Variants in NAV3 observed in about 807,000 individuals in gnomAD.
NAV3 encodes the protein pore membrane and/or filament interacting like protein 1.
A neutral mutation model predicts 244.7 loss-of-function variants in NAV3; 87 were observed. The ratio of observed to expected loss-of-function variants is 0.36; its 90% CI spans 0.30 to 0.42. The LOEUF is 0.42. Among genes scored for constraint, NAV3 ranks in the 20% least tolerant of loss-of-function variants. The pLI, the probability that NAV3 is intolerant of heterozygous loss-of-function variation, is 1.00. For missense variants in NAV3, 2,663 were observed against 2,893.3 expected, an observed-to-expected ratio of 0.92 and a Z score of 1.83; for synonymous variants, 1,126 against 1,042.2, an observed-to-expected ratio of 1.08 and a Z score of -1.55.
intron 23 of NAV3, among the ~76,000 whole-genome samples, chr12:78,166,505 A>C (rs746472606): frequency 6.6e-6 from 1 of 151,738 alleles, no homozygotes; most frequent in Non-Finnish European, 1.5e-5. Flanking sequence ...AATTTGGTTG[A>C]ACTAATTTTT....
intron 9 of NAV3, among the ~76,000 whole-genome samples, chr12:78,035,700 C>T (rs769323724): frequency 8.5e-5 from 13 of 152,086 alleles, no homozygotes; most frequent in Non-Finnish European, 1.3e-4. Context: ...AGGGAAAACC[C>T]TTTTGAGTTA....
intron 5 of NAV3, among the ~76,000 whole-genome samples, chr12:77,978,123 T>C (rs1868851480): frequency 1.3e-5 from 2 of 152,220 alleles, no homozygotes; most frequent in Admixed American, 6.5e-5. Context: ...GTCATAATTG[T>C]CTTTTATCTT....
intron 2 of NAV3, among the ~76,000 whole-genome samples, chr12:77,697,393 T>C (rs1372862726): frequency 6.6e-6 from 1 of 152,188 alleles, no homozygotes. Flanking sequence ...AGTAAGACAG[T>C]CCTAGATGTA....
intron 30 of NAV3, among the ~76,000 whole-genome samples, chr12:78,183,399 T>C (rs748503084): frequency 1.3e-5 from 2 of 151,932 alleles, no homozygotes; most frequent in Non-Finnish European, 2.9e-5. Context: ...AAAAGTATTA[T>C]CTTTTATGTT....
intron 2 of NAV3, among the ~76,000 whole-genome samples, chr12:77,731,346 A>G (rs1009875291): frequency 6.6e-6 from 1 of 152,034 alleles, no homozygotes; most frequent in African/African-American, 2.4e-5. Context: ...TAGAAGAATT[A>G]ATGACAAGAA....
chr12:77,982,999 A>G (rs1593191427), intron 5 of NAV3, among the ~76,000 whole-genome samples: 1 of 152,178 alleles, frequency 6.6e-6, no homozygotes, highest in Admixed American at 6.5e-5. Context: ...TCACTTCTCA[A>G]TGGAAGGATG....
intron 3 of NAV3, among the ~76,000 whole-genome samples, chr12:77,964,797 A>G (rs1394785724): frequency 6.7e-6 from 1 of 149,378 alleles, no homozygotes; most frequent in East Asian, 1.9e-4. Flanking sequence ...GTTAATTAAT[A>G]TAAATTTTTT....
intron 2 of NAV3, among the ~76,000 whole-genome samples, chr12:77,798,792 G>A (rs931689530): frequency 2.0e-5 from 3 of 152,138 alleles, no homozygotes; most frequent in Admixed American, 2.0e-4. Flanking sequence ...CTCTGTTGAT[G>A]TGACATAAAT....
intron 15 of NAV3, among the ~76,000 whole-genome samples, chr12:78,121,385 C>T (rs886090466): frequency 3.6e-4 from 54 of 152,072 alleles, no homozygotes; most frequent in African/African-American, 8.5e-4. Context: ...GACTTGTTGC[C>T]GACAATGTCA....
At chr12:78,112,125 T>G (rs905447972) in intron 12 of NAV3, among the ~76,000 whole-genome samples, 1 of 152,150 alleles carries the variant, frequency 6.6e-6, no homozygotes, top group Non-Finnish European at 1.5e-5. Context: ...CCTCTGACAC[T>G]TGAAACTTGA....
intron 27 of NAV3, 70 bp downstream of exon 27, chr12:78,177,383 G>A: frequency 6.6e-7 from 1 of 1,514,362 alleles, no homozygotes. Flanking sequence ...CCTTATTTAT[G>A]TTCTAACCAT....
At chr12:77,779,369 T>C (rs1870549911) in intron 2 of NAV3, among the ~76,000 whole-genome samples, 1 of 152,208 alleles carries the variant, frequency 6.6e-6, no homozygotes, top group Non-Finnish European at 1.5e-5. Flanking sequence ...ATAGCTTACA[T>C]ATATTCAGGT....
chr12:77,682,655 C>A (rs1369571942), intron 2 of NAV3, among the ~76,000 whole-genome samples: 1 of 152,114 alleles, frequency 6.6e-6, no homozygotes, highest in African/African-American at 2.4e-5. Flanking sequence ...CACATTCTTG[C>A]CAGTACTTGT....
intron 1 of NAV3, among the ~76,000 whole-genome samples, chr12:77,909,472 T>C (rs893044438): frequency 6.6e-6 from 1 of 152,004 alleles, no homozygotes; most frequent in Admixed American, 6.6e-5. Context: ...AGAAACAGTA[T>C]GTTATTAGAC....
intron 2 of NAV3, among the ~76,000 whole-genome samples, chr12:77,591,997 T>C (rs1461919349): frequency 1.3e-5 from 2 of 152,240 alleles, no homozygotes; most frequent in African/African-American, 2.4e-5. Context: ...GGTAGGTTGC[T>C]TCATTGTTGT....
rs1178834324 is a variant in NAV3 at position 78,177,041 on chromosome 12, C to G, written c.5125-100C>G. On this transcript the variant is annotated intron_variant, in intron 26 of 39. Transcript: ENST00000397909. ...TAATACTCTGCTTGTACATACTGAC[C>G]CCAGGCAGTGGCTAGGATGGCATCT... The G allele has an allele frequency of 3.5e-6, 4 of 1,157,424 alleles. No homozygotes were observed. The East Asian group carries it at 7.1e-5, about 21-fold the overall frequency. The allele number at this position is 1,157,424 out of a possible 1,614,324, so 71.7% of individuals were successfully genotyped here. A position where few individuals can be genotyped will look rare whatever the true frequency, so the allele number is the denominator to read the frequency against.
At chr12:77,697,809 G>T (rs1335048825) in intron 2 of NAV3, among the ~76,000 whole-genome samples, 1 of 152,154 alleles carries the variant, frequency 6.6e-6, no homozygotes, top group Non-Finnish European at 1.5e-5. Context: ...TGTGCCAAGA[G>T]CTTGAGAAAA....
At chr12:78,036,975 G>C (rs1207467976) in intron 9 of NAV3, 1 of 702,892 alleles carries the variant, frequency 1.4e-6, no homozygotes, top group Non-Finnish European at 2.6e-6. Context: ...CAGTGATGGG[G>C]AGAGGAGACC....
intron 2 of NAV3, among the ~76,000 whole-genome samples, chr12:77,818,739 C>T (rs1226069172): frequency 1.3e-5 from 2 of 152,036 alleles, no homozygotes; most frequent in Non-Finnish European, 2.9e-5. Flanking sequence ...GCTCATCGTT[C>T]ACATTTAATA....
Sources: allele counts gnomAD v4.1 joint callset (sites outside exome capture counted in the v4.1 genomes callset), GRCh38; gene constraint gnomAD v4.1.1; transcripts MANE v1.5; gene names NCBI Gene and HGNC (gene_info 2026-07-23, HGNC 2026-07-21).